The following SLC67A1 variants were observed in gnomAD, a reference collection of about 807,000 sequenced individuals.
The protein encoded by SLC67A1 is solute carrier family 67 member 1, also known as solute carrier family 67 member A1.
the SLC67A1 span, chr11:2,917,931 G>A: frequency 0.1 from 142,630 of 1,389,628 alleles, 14,265 homozygotes; most frequent in East Asian, 0.61. Context: ...GCAGCCGGGC[G>A]AGGGGTGGGC....
At chr11:2,925,151 T>A in the SLC67A1 span, 1 of 1,613,754 alleles carries the variant, frequency 6.2e-7, no homozygotes, top group African/African-American at 1.3e-5. This position sits in a 1 kb window ranked among gnomAD's most constrained non-coding sequence, Gnocchi z 6.5. Context: ...GTCCTCCTGG[T>A]CCTCTGGAGG....
the SLC67A1 span, chr11:2,919,208 C>T: frequency 1.5e-5 from 12 of 824,652 alleles, no homozygotes; most frequent in Admixed American, 2.0e-4. Flanking sequence ...CAGCCAGGGC[C>T]CAGACACCCT....
the SLC67A1 span, among the ~76,000 whole-genome samples, chr11:2,924,460 A>G: frequency 8.5e-5 from 13 of 152,154 alleles, no homozygotes; most frequent in East Asian, 1.9e-4. This position sits in a 1 kb window ranked among gnomAD's most constrained non-coding sequence, Gnocchi z 8.6. Flanking sequence ...TCAAGCCCCA[A>G]CGGTGTCTCA....
At chr11:2,910,635 C>T in the SLC67A1 span, among the ~76,000 whole-genome samples, 8 of 152,132 alleles carry the variant, frequency 5.3e-5, no homozygotes, top group Non-Finnish European at 7.4e-5. Flanking sequence ...ACCGGTAGGA[C>T]AGCCATTGTG....
the SLC67A1 span, among the ~76,000 whole-genome samples, chr11:2,910,869 G>A: frequency 6.6e-6 from 1 of 152,206 alleles, no homozygotes; most frequent in Admixed American, 6.5e-5. Context: ...GCCCAGCCTG[G>A]GTGCCTGTCA....
the SLC67A1 span, chr11:2,914,977 C>A: frequency 3.0e-6 from 3 of 985,402 alleles, no homozygotes; most frequent in Non-Finnish European, 3.6e-6. Context: ...AAAGGAAGGG[C>A]CCATTCGTGC....
At chr11:2,924,916 G>C in the SLC67A1 span, 2 of 1,206,382 alleles carry the variant, frequency 1.7e-6, no homozygotes, top group East Asian at 4.7e-5. This position sits in a 1 kb window ranked among gnomAD's most constrained non-coding sequence, Gnocchi z 8.6. Flanking sequence ...GTCAGGGTGG[G>C]TCAGGAGAGA....
At chr11:2,908,946 G>A in the SLC67A1 span, among the ~76,000 whole-genome samples, 1 of 152,320 alleles carries the variant, frequency 6.6e-6, no homozygotes, top group African/African-American at 2.4e-5. Context: ...ATTTTTACAC[G>A]GAGTTGGTCT....
the SLC67A1 span, among the ~76,000 whole-genome samples, chr11:2,913,950 T>G: frequency 6.6e-6 from 1 of 152,054 alleles, no homozygotes; most frequent in Non-Finnish European, 1.5e-5. Flanking sequence ...AGGTGTGGGC[T>G]GCGGTTGGTG....
the SLC67A1 span, among the ~76,000 whole-genome samples, chr11:2,924,087 G>A: frequency 6.6e-6 from 1 of 152,200 alleles, no homozygotes; most frequent in South Asian, 2.1e-4. This position sits in a 1 kb window ranked among gnomAD's most constrained non-coding sequence, Gnocchi z 8.6. Flanking sequence ...GTCCTGGGGG[G>A]TCCTCCCGCT....
chr11:2,911,350 G>T, the SLC67A1 span, among the ~76,000 whole-genome samples: 5 of 152,270 alleles, frequency 3.3e-5, no homozygotes, highest in African/African-American at 4.8e-5. Flanking sequence ...TGCTGGGAGG[G>T]TGTCCCTGGA....
the SLC67A1 span, chr11:2,899,707 C>G: frequency 6.7e-7 from 1 of 1,491,310 alleles, no homozygotes; most frequent in South Asian, 1.3e-5. Flanking sequence ...CCCATTCACA[C>G]TGAGCCTGTT....
chr11:2,912,621 C>T, the SLC67A1 span, among the ~76,000 whole-genome samples: 2 of 152,046 alleles, frequency 1.3e-5, no homozygotes, highest in Non-Finnish European at 2.9e-5. Context: ...GACTTGGCAC[C>T]CACAGGCTGC....
the SLC67A1 span, among the ~76,000 whole-genome samples, chr11:2,908,487 T>C: frequency 1.3e-5 from 2 of 152,156 alleles, no homozygotes; most frequent in Non-Finnish European, 2.9e-5. Flanking sequence ...GCAGAAGAAC[T>C]TTGGCCCCTG....
chr11:2,915,321 G>A, the SLC67A1 span: 14 of 834,240 alleles, frequency 1.7e-5, no homozygotes, highest in Admixed American at 6.2e-5. Flanking sequence ...GGTGAAGAGG[G>A]GCGAGGAAAG....
the SLC67A1 span, chr11:2,916,726 A>T: frequency 1.2e-6 from 2 of 1,612,942 alleles, no homozygotes; most frequent in Non-Finnish European, 1.7e-6. Flanking sequence ...ACTGACGCCC[A>T]GGCTCCACTG....
At chr11:2,903,404 T>C in the SLC67A1 span, 1 of 1,613,114 alleles carries the variant, frequency 6.2e-7, no homozygotes, top group Non-Finnish European at 8.5e-7. Context: ...ATGAGCGCTC[T>C]AGGCCGGTCC....
the SLC67A1 span, among the ~76,000 whole-genome samples, chr11:2,903,964 T>C: frequency 1.7e-4 from 26 of 152,222 alleles, no homozygotes; most frequent in Non-Finnish European, 3.1e-4. Context: ...TGGCGGCAAA[T>C]TGATCTCAAG....
the SLC67A1 span, chr11:2,903,258 C>T: frequency 1.2e-4 from 182 of 1,556,618 alleles, no homozygotes; most frequent in South Asian, 1.8e-4. Flanking sequence ...ACTCAGCACC[C>T]CTGCCCGGAT....
Sources: allele counts gnomAD v4.1 joint callset (sites outside exome capture counted in the v4.1 genomes callset), GRCh38; gene constraint gnomAD v4.1.1; non-coding constraint Gnocchi (gnomAD v3.1); transcripts MANE v1.5; gene names NCBI Gene and HGNC (gene_info 2026-07-23, HGNC 2026-07-21).